TBCE: variants seen among roughly 807,000 people sequenced by gnomAD.
TBCE encodes tubulin-specific chaperone E.
In TBCE, 53 loss-of-function variants were observed where a neutral mutation model predicts 77.0. The observed-to-expected ratio is 0.69, with a 90% CI of 0.55 to 0.87. The LOEUF (loss-of-function observed/expected upper bound fraction) is 0.87. Ranked by LOEUF, TBCE falls within the 40% of genes least tolerant of loss-of-function variation. The probability of loss-of-function intolerance (pLI) is 0.00; values close to 1 mark genes in which losing one functional copy is unlikely to be tolerated. For synonymous variants in TBCE, 235 were observed against 241.3 expected (o/e 0.97, Z 0.24); for missense variants, 624 against 622.4 (o/e 1.00, Z -0.03).
intron 2 of TBCE, among the ~76,000 whole-genome samples, chr1:235,394,619 C>T (rs1002380457): frequency 2.6e-5 from 4 of 151,358 alleles, no homozygotes; most frequent in Non-Finnish European, 2.9e-5. Context: ...TTTTAGAGAG[C>T]GGGTTTTGCC....
intron 2 of TBCE, among the ~76,000 whole-genome samples, chr1:235,384,723 T>G (rs2102822505): frequency 6.6e-6 from 1 of 152,302 alleles, no homozygotes; most frequent in East Asian, 1.9e-4. Flanking sequence ...TTTATTAGTC[T>G]TGCTAGCGGT....
At chr1:235,439,777 C>T (rs1025115426) in intron 13 of TBCE, among the ~76,000 whole-genome samples, 6 of 151,686 alleles carry the variant, frequency 4.0e-5, no homozygotes, top group Non-Finnish European at 8.8e-5. Context: ...TGTGAGCCAC[C>T]GTGCGTAGCA....
In TBCE at chr1:235,414,751, C is replaced by T. The variant is rs1680019590; in HGVS notation, c.371+133C>T. ...GTTTATGGTTCCACAGAAACGGAATCAAAATCTGAGGAATCCAAGAATTAT... is the reference window on the plus strand; with the variant it reads ...GTTTATGGTTCCACAGAAACGGAATTAAAATCTGAGGAATCCAAGAATTAT... On this transcript the variant is annotated intron_variant, in intron 4 of 16. Coordinates refer to ENST00000642610, the MANE Select transcript of TBCE (RefSeq NM_003193.5). 3.6e-6 allele frequency: 3 copies of T among 843,532 alleles called. No individual in the cohort carries two copies. In the Admixed American group the frequency reaches 6.6e-5, roughly 19 times the overall value. 52.3% of individuals were successfully genotyped at this position (843,532 alleles called of 1,614,324 possible).
intron 15 of TBCE, among the ~76,000 whole-genome samples, chr1:235,446,533 C>G (rs1308181332): frequency 6.6e-6 from 1 of 152,098 alleles, no homozygotes; most frequent in Non-Finnish European, 1.5e-5. Flanking sequence ...AGGTATACCT[C>G]TCAAATTTTT....
chr1:235,380,958 A>T (rs890465269), intron 2 of TBCE, among the ~76,000 whole-genome samples: 1 of 151,704 alleles, frequency 6.6e-6, no homozygotes. Flanking sequence ...ACTAATTTTG[A>T]ATTTTTAGGG....
rs578121334 is a variant in TBCE, at chr1:235,387,133, C to T, written c.100+6984C>T. 3.5e-3 allele frequency among the ~76,000 whole-genome samples: 533 copies of T among 152,316 alleles called. 2 individuals are homozygous for T. The highest frequency in any genetic ancestry group is 0.012 in the African/African-American group (518 of 41,572). The stretch of plus-strand genomic sequence containing the variant: ...AGCGGATTTTCGTGAACCGCGAATG[C>T]TGCTGTCTGATCGTTCCTCTGGAAG... On this transcript the variant is annotated intron_variant, in intron 2 of 16. Transcript: ENST00000642610.
chr1:235,399,919 G>A (rs1678987701), intron 2 of TBCE, among the ~76,000 whole-genome samples: 1 of 152,074 alleles, frequency 6.6e-6, no homozygotes, highest in Non-Finnish European at 1.5e-5. Flanking sequence ...CCACACATTC[G>A]GTCACAGAAG....
rs1433802588 is a variant in TBCE at position 235,448,395 on chromosome 1, CA to C, written c.1449del (p.Val484PhefsTer26). The C allele has an allele frequency of 6.2e-7, 1 of 1,613,982 alleles. No homozygotes were observed. Among genetic ancestry groups the C allele is most frequent in the African/African-American group, 1.3e-5 (1 of 74,910 alleles). ...TGAAGGGATTGCTGTCACGTCTTCT[CA>C]AAGTTCCTGTGTCAGACCTTCTGTT... ...KVKGLLSRLL[K>X]VPVSDLLLSY... On this transcript the variant is annotated frameshift_variant, in exon 16 of 17. Transcript: ENST00000642610. LOFTEE classifies it high-confidence loss of function.
At chr1:235,395,973 C>T (rs1338597015) in intron 2 of TBCE, among the ~76,000 whole-genome samples, 1 of 152,122 alleles carries the variant, frequency 6.6e-6, no homozygotes, top group African/African-American at 2.4e-5. Context: ...CCTCCAGTTC[C>T]ACCCATGTTG....
At chr1:235,444,992 C>CT (rs2102944798) in intron 15 of TBCE, among the ~76,000 whole-genome samples, 1 of 152,388 alleles carries the variant, frequency 6.6e-6, no homozygotes, top group African/African-American at 2.4e-5. Flanking sequence ...GTACACCTGA[C>CT]TGGTATCCCA....
intron 5 of TBCE, among the ~76,000 whole-genome samples, chr1:235,422,851 G>A (rs997009280): frequency 1.2e-4 from 19 of 152,304 alleles, no homozygotes; most frequent in South Asian, 4.1e-4. Context: ...CAGATGTGGC[G>A]GTAAATGGGT....
rs140721622 is a variant in TBCE, at chr1:235,372,562, T to A, written c.-32+5058T>A. 6.1e-3 allele frequency among the ~76,000 whole-genome samples: 925 copies of A among 152,064 alleles called. 9 individuals are homozygous for A. Among genetic ancestry groups the A allele is most frequent in the African/African-American group, 0.021 (890 of 41,490 alleles). On this transcript the variant is annotated intron_variant, in intron 1 of 16. Transcript: ENST00000642610. ...TTTGGAAGGCTGAGACGGGAGAATC[T>A]CTTGAGGCCAGCAGTTTGAGACCAA...
chr1:235,428,372 T>A (rs1680860493), intron 6 of TBCE, among the ~76,000 whole-genome samples: 1 of 151,920 alleles, frequency 6.6e-6, no homozygotes, highest in South Asian at 2.1e-4. Flanking sequence ...CCAGCTTGCC[T>A]TTTTCTTCTT....
chr1:235,437,324 G>T lies in TBCE; in HGVS notation c.966G>T (p.Trp322Cys). 1 of 1,613,980 alleles carries T rather than the reference G, an allele frequency of 6.2e-7. No individual in the cohort carries two copies. Among genetic ancestry groups the T allele is most frequent in the Non-Finnish European group, 8.5e-7 (1 of 1,179,976 alleles). ...LVVNDNQISQ[W>C]SFFNELEKLP... ...TATTTCCTTTTGCTGTGTTTCAGTGGTCGTTTTTCAATGAGCTAGAGAAGT... is the reference window on the plus strand; with the variant it reads ...TATTTCCTTTTGCTGTGTTTCAGTGTTCGTTTTTCAATGAGCTAGAGAAGT... The change falls in exon 12 of 17, where the codon TGG becomes TGT. Residue 322 changes from tryptophan to cysteine, a missense_variant and splice_region_variant. By Grantham distance (215) the Trp-to-Cys change is radical (BLOSUM62 -2). Coordinates refer to ENST00000642610, the MANE Select transcript of TBCE (RefSeq NM_003193.5).
Position 235,414,545 on chromosome 1 carries a change from A to G in TBCE, c.298A>G (p.Lys100Glu), listed in dbSNP as rs770233453. ...AGAAGATGGACCAGAGGAAGATAGAAAAGAGCAAATTGTTACAATTGGAAA... is the reference window on the plus strand; with the variant it reads ...AGAAGATGGACCAGAGGAAGATAGAGAAGAGCAAATTGTTACAATTGGAAA... The part of the protein sequence containing the change: ...VLEDGPEEDR[K>E]EQIVTIGNKP... The change falls in exon 4 of 17, where the codon AAA (lysine) becomes GAA (glutamate). Residue 100 changes from lysine to glutamate, a missense_variant. By Grantham distance (56) the Lys-to-Glu change is moderately conservative. Transcript: ENST00000642610. The G allele has an allele frequency of 5.6e-6, 9 of 1,613,914 alleles. No homozygotes were observed. The highest frequency in any genetic ancestry group is 5.9e-6 in the Non-Finnish European group (7 of 1,179,996).
At chr1:235,442,053 G>T (rs1430996779) in intron 14 of TBCE, among the ~76,000 whole-genome samples, 171 bp downstream of exon 14, 1 of 151,266 alleles carries the variant, frequency 6.6e-6, no homozygotes, top group Non-Finnish European at 1.5e-5. Context: ...TGTCTCCCAG[G>T]CTGGAGTGCA....
At chr1:235,371,031 C>G (rs1398319087) in intron 1 of TBCE, among the ~76,000 whole-genome samples, 1 of 128,820 alleles carries the variant, frequency 7.8e-6, no homozygotes, top group Non-Finnish European at 1.6e-5. Flanking sequence ...TGAGCTATCA[C>G]GCCTGGCTTT....
intron 1 of TBCE, among the ~76,000 whole-genome samples, chr1:235,369,032 C>G (rs1439937543): frequency 6.6e-6 from 1 of 152,144 alleles, no homozygotes; most frequent in African/African-American, 2.4e-5. Context: ...CTCCCAGGCT[C>G]TTGTTATCAC....
In TBCE at chr1:235,448,713, TAC is replaced by T; in HGVS notation, c.1537_1538del (p.Gln513ValfsTer19). The T allele has an allele frequency of 1.2e-6, 2 of 1,614,182 alleles. No individual in the cohort carries two copies. Among genetic ancestry groups the T allele is most frequent in the Non-Finnish European group, 1.7e-6 (2 of 1,180,016 alleles). On this transcript the variant is annotated frameshift_variant, in exon 17 of 17. Transcript: ENST00000642610. LOFTEE classifies it high-confidence loss of function. ...GAGCTGGAAAATGACCTAAAGTCAT[TAC>T]AGTTTTATTCTGTGGAAAATGGAGA...
Sources: gnomAD v4.1 joint callset for allele counts (sites outside exome capture counted in the v4.1 genomes callset) on GRCh38, gnomAD v4.1.1 for gene constraint, MANE v1.5 for transcripts, NCBI Gene and HGNC (gene_info 2026-07-23, HGNC 2026-07-21) for gene names.